NXN: variants seen among roughly 807,000 people sequenced by gnomAD.
NXN encodes the protein nucleoredoxin 1.
Under a neutral mutation model 48.6 loss-of-function variants are expected in NXN, and 16 were observed. The observed-to-expected ratio is 0.33, with a 90% CI of 0.22 to 0.50. The LOEUF (loss-of-function observed/expected upper bound fraction) is 0.50, where lower values mean the gene tolerates loss of function less well. Among genes scored for constraint, NXN ranks in the 20% least tolerant of loss-of-function variants. NXN has a pLI of 0.98. For synonymous variants in NXN, 281 were observed against 269.6 expected (o/e 1.04, Z -0.41); for missense variants, 492 against 605.5 (o/e 0.81, Z 1.97).
Position 924,811 on chromosome 17 carries a change from A to G in NXN, c.360+54508T>C, listed in dbSNP as rs190875900. 3.5e-3 allele frequency among the ~76,000 whole-genome samples: 538 copies of G among 152,378 alleles called. 1 individual carries two copies. Among genetic ancestry groups the G allele is most frequent in the Non-Finnish European group, 5.4e-3 (366 of 68,040 alleles). On this transcript the variant is annotated intron_variant, in intron 1 of 7. Transcript: ENST00000336868. ...TTAAAATGCAAACATTCAAAGACCA[A>G]GCCTCATTCACACCTTCGGTGTAAG... is the stretch of plus-strand genomic sequence containing the variant.
chr17:823,663 G>T lies in NXN; in HGVS notation c.581C>A (p.Ser194Tyr). ...QSLESSSLEG[S>Y]HVGVYFSAHW... is the part of the protein sequence containing the mutation. ...TGCGGAGAAATAGACGCCCACGTGA[G>T]ACCCCTCCAGGCTGCTGCTCTCCAG... Residue 194 changes from serine (S) to tyrosine (Y), a missense_variant, in exon 3 of 8, where the codon TCT becomes TAT. Transcript: ENST00000336868. 1 of 1,614,100 alleles carries T rather than the reference G, an allele frequency of 6.2e-7. No individual in the cohort carries two copies. Among genetic ancestry groups the T allele is most frequent in the South Asian group, 1.1e-5 (1 of 91,072 alleles).
chr17:875,911 C>T (rs1000408020), intron 1 of NXN, among the ~76,000 whole-genome samples: 1 of 152,112 alleles, frequency 6.6e-6, no homozygotes, highest in South Asian at 2.1e-4. Context: ...AGGCCGGGCA[C>T]AGTGGCTCAT....
intron 1 of NXN, among the ~76,000 whole-genome samples, chr17:910,377 A>C (rs2068624212): frequency 6.6e-6 from 1 of 150,984 alleles, no homozygotes; most frequent in Admixed American, 6.7e-5. Context: ...GCGCCGCTGC[A>C]CTCCAGCCTG....
chr17:809,093 GA>G (rs1184849962), intron 5 of NXN, among the ~76,000 whole-genome samples: 1 of 152,204 alleles, frequency 6.6e-6, no homozygotes, highest in Non-Finnish European at 1.5e-5. Context: ...TGGGCTGGAA[GA>G]AGTTAGCTAA....
intron 1 of NXN, among the ~76,000 whole-genome samples, chr17:846,081 C>CATAA (rs1016615138): frequency 1.1e-4 from 17 of 150,966 alleles, no homozygotes; most frequent in South Asian, 2.1e-4. Flanking sequence ...GACTGCATCT[C>CATAA]ATAAATAAAT....
chr17:868,410 C>T (rs778396812), intron 1 of NXN, among the ~76,000 whole-genome samples: 47 of 152,344 alleles, frequency 3.1e-4, no homozygotes, highest in Admixed American at 2.1e-3. Context: ...CCTCGGCTCT[C>T]ACCCGCAGAC....
chr17:897,032 TAAC>T, intron 1 of NXN: 2 of 1,090,232 alleles, frequency 1.8e-6, no homozygotes, highest in Non-Finnish European at 2.3e-6. Context: ...CCGGCGTGCC[TAAC>T]AACAGCGTCA....
intron 1 of NXN, among the ~76,000 whole-genome samples, chr17:869,541 C>G (rs1437774215): frequency 6.6e-6 from 1 of 152,208 alleles, no homozygotes; most frequent in Admixed American, 6.6e-5. Context: ...CTGTTCACAT[C>G]CACATACTTT....
At position 956,706 on chromosome 17, in the gene NXN, C is replaced by T. The variant is rs556775603; in HGVS notation, c.360+22613G>A. Among the ~76,000 whole-genome samples the T allele has an allele frequency of 5.3e-4, 80 of 152,300 alleles. 1 individual carries two copies. The highest frequency in any genetic ancestry group is 1.4e-3 in the African/African-American group (58 of 41,568). On this transcript the variant is annotated intron_variant, in intron 1 of 7. Transcript: ENST00000336868. This position sits in a 1 kb window ranked among gnomAD's most constrained non-coding sequence, Gnocchi z 4.1. The stretch of plus-strand genomic sequence containing the variant: ...CTGGGATTACAGGCGTGAGCCACCG[C>T]GCCTGGCCAAGAGCTTTTTATATCA...
At chr17:944,606 C>T (rs1474474664) in intron 1 of NXN, among the ~76,000 whole-genome samples, 2 of 152,150 alleles carry the variant, frequency 1.3e-5, no homozygotes, top group Non-Finnish European at 2.9e-5. Context: ...TCATCTCTGG[C>T]AAATCATTCA....
At chr17:936,474 G>A (rs1432175738) in intron 1 of NXN, among the ~76,000 whole-genome samples, 1 of 151,736 alleles carries the variant, frequency 6.6e-6, no homozygotes, top group Non-Finnish European at 1.5e-5. Flanking sequence ...GCCGCGTGCT[G>A]CCACCACCCA....
At chr17:805,750 A>G (rs1911459674) in intron 5 of NXN, among the ~76,000 whole-genome samples, 1 of 152,136 alleles carries the variant, frequency 6.6e-6, no homozygotes, top group African/African-American at 2.4e-5. Context: ...AGGCAGGAGA[A>G]TCGCTCGAAC....
intron 1 of NXN, among the ~76,000 whole-genome samples, chr17:838,410 G>A (rs1161566235): frequency 1.3e-5 from 2 of 152,048 alleles, no homozygotes; most frequent in African/African-American, 2.4e-5. Context: ...GGGATTACAG[G>A]CGTGAGCCAC....
At chr17:928,872 A>G (rs765340522) in intron 1 of NXN, among the ~76,000 whole-genome samples, 8 of 152,142 alleles carry the variant, frequency 5.3e-5, no homozygotes, top group Non-Finnish European at 8.8e-5. Context: ...ACTGGAGAAT[A>G]CCGCTCACAT....
chr17:832,711 G>T (rs1052146944), intron 1 of NXN, among the ~76,000 whole-genome samples: 1 of 152,134 alleles, frequency 6.6e-6, no homozygotes, highest in African/African-American at 2.4e-5. Context: ...GGATGGGTAA[G>T]AAACTGTAAC....
intron 1 of NXN, among the ~76,000 whole-genome samples, chr17:829,897 G>A (rs1740196790): frequency 6.6e-6 from 1 of 152,208 alleles, no homozygotes; most frequent in Admixed American, 6.5e-5. Context: ...TTGGTTCCAA[G>A]TCTTTGCTAT....
chr17:822,906 C>G (rs1912892565), intron 3 of NXN, among the ~76,000 whole-genome samples: 1 of 152,048 alleles, frequency 6.6e-6, no homozygotes, highest in Non-Finnish European at 1.5e-5. Context: ...TCAAGACCAG[C>G]CTGACCAACA....
At chr17:833,428 C>G (rs568193939) in intron 1 of NXN, among the ~76,000 whole-genome samples, 27 of 152,188 alleles carry the variant, frequency 1.8e-4, no homozygotes, top group African/African-American at 6.3e-4. Context: ...ACTTACGCAG[C>G]CCGGAAACCA....
At chr17:951,256 A>C (rs1387270459) in intron 1 of NXN, among the ~76,000 whole-genome samples, 1 of 146,462 alleles carries the variant, frequency 6.8e-6, no homozygotes, top group Admixed American at 6.9e-5. Flanking sequence ...AGGCTGAGGC[A>C]CGAGAATTGC....
Sources: gnomAD v4.1 joint callset for allele counts (sites outside exome capture counted in the v4.1 genomes callset) on GRCh38, gnomAD v4.1.1 for gene constraint, Gnocchi (gnomAD v3.1) non-coding constraint, MANE v1.5 for transcripts, NCBI Gene and HGNC (gene_info 2026-07-23, HGNC 2026-07-21) for gene names.